RPF2: variants seen among roughly 807,000 people sequenced by gnomAD.
RPF2 encodes the protein brix domain containing 1.
In RPF2, 21 loss-of-function variants were observed where a neutral mutation model predicts 38.9. That is an observed-to-expected ratio of 0.54 (90% CI 0.38 to 0.78). RPF2 has a LOEUF of 0.78. Among genes scored for constraint, RPF2 ranks in the 30% least tolerant of loss-of-function variants. The pLI is 0.00. For synonymous variants in RPF2, 121 were observed against 126.2 expected (o/e 0.96, Z 0.28); for missense variants, 314 against 358.1 (o/e 0.88, Z 0.99).
chr6:110,999,261 T>C (rs1771772481), intron 5 of RPF2, among the ~76,000 whole-genome samples: 1 of 152,064 alleles, frequency 6.6e-6, no homozygotes, highest in Non-Finnish European at 1.5e-5. Flanking sequence ...GGGGGAAAAT[T>C]ATCCTAAGTT....
rs1260999969 is a variant in RPF2, at chr6:110,989,678, T to C, written c.194+613T>C. On this transcript the variant is annotated intron_variant, in intron 3 of 9. Coordinates refer to ENST00000441448, the MANE Select transcript of RPF2 (RefSeq NM_032194.3). ...GTCTAGCTTTGTTGCCAGGCTGGAG[T>C]GCAGTGGCATGATCTCGCCTCGCTG... Among the ~76,000 whole-genome samples the C allele has an allele frequency of 4.0e-5, 6 of 148,380 alleles. No individual in the cohort carries two copies. In the East Asian group the frequency reaches 1.2e-3, roughly 30 times the overall value.
chr6:111,018,806 G>A (rs575444637), intron 8 of RPF2, among the ~76,000 whole-genome samples: 1 of 152,272 alleles, frequency 6.6e-6, no homozygotes, highest in African/African-American at 2.4e-5. Context: ...AGCCCCTTAA[G>A]TCTCCTGTTT....
chr6:110,991,797 T>A lies in RPF2; in HGVS notation c.234+11T>A. The A allele has an allele frequency of 9.1e-7, 1 of 1,101,320 alleles. No homozygotes were observed. The highest frequency in any genetic ancestry group is 1.3e-6 in the Non-Finnish European group (1 of 774,914). The allele number at this position is 1,101,320 out of a possible 1,614,324, so 68.2% of individuals were successfully genotyped here. On this transcript the variant is annotated intron_variant, in intron 4 of 9. Transcript: ENST00000441448. ...GATCAGACATCACTGGTAAGTATAATAATCTTTATGATTTAAGAAAGCATA... is the reference window on the plus strand; with the variant it reads ...GATCAGACATCACTGGTAAGTATAAAAATCTTTATGATTTAAGAAAGCATA...
chr6:111,021,113 G>T (rs111911884), intron 8 of RPF2, among the ~76,000 whole-genome samples: 1,931 of 152,196 alleles, frequency 0.013, 41 homozygotes, highest in African/African-American at 0.045. Context: ...AGATTGCAGC[G>T]AGCCTAGATT....
intron 6 of RPF2, among the ~76,000 whole-genome samples, chr6:111,002,531 C>T (rs1274234594): frequency 1.3e-5 from 2 of 151,838 alleles, no homozygotes; most frequent in Non-Finnish European, 2.9e-5. Context: ...TGGGGTCTCA[C>T]TATATTGCCC....
rs530355962 is a variant in RPF2 at position 111,014,099 on chromosome 6, G to A, written c.494-1655G>A. On this transcript the variant is annotated intron_variant, in intron 7 of 9. Transcript: ENST00000441448. ...TGTATAAATGTGCCTGCCCACTTGT[G>A]TTTGTTTTATACAAGTTAATGCTGT... Among the ~76,000 whole-genome samples, 5 of 149,746 alleles carry A rather than the reference G, an allele frequency of 3.3e-5. No individual in the cohort carries two copies. The East Asian group carries it at 9.8e-4, about 29-fold the overall frequency.
Position 110,982,047 on chromosome 6 carries a change from C to T in RPF2, c.-60C>T. 1.2e-6 allele frequency: 2 copies of T among 1,600,974 alleles called. No individual in the cohort carries two copies. The highest frequency in any genetic ancestry group is 1.7e-6 in the Non-Finnish European group (2 of 1,168,142). ...GCTTCCGGTTCCGCCTGTTCCGGCGCACGTAATCGCCGAGGGCACGTGCAT... is the reference window on the plus strand; with the variant it reads ...GCTTCCGGTTCCGCCTGTTCCGGCGTACGTAATCGCCGAGGGCACGTGCAT... On this transcript the variant is annotated 5_prime_UTR_variant, in exon 1 of 10. Coordinates refer to ENST00000441448, the MANE Select transcript of RPF2 (RefSeq NM_032194.3).
chr6:110,988,907 G>A, intron 2 of RPF2, 121 bp from the exon 3 acceptor site: 1 of 1,225,306 alleles, frequency 8.2e-7, no homozygotes, highest in Non-Finnish European at 1.1e-6. Context: ...CCAGGCAGAA[G>A]CCCTCAGAAT....
In RPF2 at chr6:111,027,896, G is replaced by A. The variant is rs893024847; in HGVS notation, c.*2314G>A. 1 of 152,146 alleles carries A rather than the reference G, an allele frequency of 6.6e-6. No individual in the cohort carries two copies. Among genetic ancestry groups the A allele is most frequent in the African/African-American group, 2.4e-5 (1 of 41,430 alleles). 9.4% of individuals were successfully genotyped at this position (152,146 alleles called of 1,614,324 possible). On this transcript the variant is annotated 3_prime_UTR_variant, in exon 10 of 10. Transcript: ENST00000441448. ...TGAGCTGCCATTTATATCACTTTTT[G>A]TGGAGAGCACATCTTGATTTTCAGT...
chr6:110,997,051 C>T (rs1185708330), intron 4 of RPF2, 132 bp from the exon 5 acceptor site: 25 of 639,622 alleles, frequency 3.9e-5, no homozygotes, highest in Non-Finnish European at 6.5e-5. Flanking sequence ...ATCAACTCGC[C>T]TCGGCGTCCC....
intron 6 of RPF2, among the ~76,000 whole-genome samples, chr6:111,005,101 G>A (rs1334851361): frequency 3.9e-5 from 6 of 152,102 alleles, no homozygotes; most frequent in African/African-American, 7.2e-5. Flanking sequence ...GATCTGGAAC[G>A]TCCTTTCAGC....
At chr6:110,986,536 G>A (rs923430486) in intron 2 of RPF2, among the ~76,000 whole-genome samples, 2 of 152,172 alleles carry the variant, frequency 1.3e-5, no homozygotes, top group Non-Finnish European at 2.9e-5. Flanking sequence ...TGAAAGGTTC[G>A]GTTTGGGACA....
At chr6:111,012,193 GGTCTCACTCT>G (rs1772029650) in intron 7 of RPF2, among the ~76,000 whole-genome samples, 2 of 139,790 alleles carry the variant, frequency 1.4e-5, no homozygotes. Context: ...TTTGAGACAG[GGTCTCACTCT>G]GTTGCCCAGG....
At chr6:110,984,364 G>A (rs534739161) in intron 1 of RPF2, among the ~76,000 whole-genome samples, 4 of 151,574 alleles carry the variant, frequency 2.6e-5, no homozygotes, top group Admixed American at 6.6e-5. Context: ...GTAAGAAAGA[G>A]TAAGAGAAAA....
In RPF2 at chr6:110,986,955, T is replaced by TA. The variant is rs775630971; in HGVS notation, c.156+1831dup. On this transcript the variant is annotated intron_variant, in intron 2 of 9. Transcript: ENST00000441448. ...CTGGGTAACAGAGCAAGACTCCAAC[T>TA]AAAAAAAAAAAAAAGACATAGTATG... Among the ~76,000 whole-genome samples the TA allele has an allele frequency of 4.2e-3, 523 of 125,124 alleles. 1 individual carries two copies. The highest frequency in any genetic ancestry group is 0.013 in the African/African-American group (440 of 33,438). The allele number at this position is 125,124 out of a possible 152,430, so 82.1% of individuals were successfully genotyped here.
At chr6:110,993,722 T>A (rs2114303156) in intron 4 of RPF2, among the ~76,000 whole-genome samples, 1 of 152,306 alleles carries the variant, frequency 6.6e-6, no homozygotes, top group African/African-American at 2.4e-5. Context: ...CTATTTGATC[T>A]CCCACCTCCA....
chr6:111,009,086 C>T (rs1315360384), intron 7 of RPF2, among the ~76,000 whole-genome samples: 3 of 151,038 alleles, frequency 2.0e-5, no homozygotes, highest in African/African-American at 4.9e-5. Flanking sequence ...GACGGAGTCT[C>T]GCTCTGTCGC....
In RPF2 at chr6:110,999,702, T is replaced by G; in HGVS notation, c.317-9T>G. ...AAAATACATGCTTAAAAATACATTTTCCTTCCAGGTCGTATGTATGACTAC... is the reference window on the plus strand; with the variant it reads ...AAAATACATGCTTAAAAATACATTTGCCTTCCAGGTCGTATGTATGACTAC... On this transcript the variant is annotated splice_polypyrimidine_tract_variant and intron_variant, in intron 5 of 9. Transcript: ENST00000441448. The G allele has an allele frequency of 6.4e-7, 1 of 1,574,612 alleles. No individual in the cohort carries two copies. Among genetic ancestry groups the G allele is most frequent in the Non-Finnish European group, 8.7e-7 (1 of 1,144,388 alleles).
rs535764509 is a variant in RPF2 at position 111,017,428 on chromosome 6, C to T, written c.596+1572C>T. ...CTCACTTCCCAGACGGGGCGGCTGC[C>T]GGATGGGGGGGCTCCTCACTTCTCA... On this transcript the variant is annotated intron_variant, in intron 8 of 9. Transcript: ENST00000441448. Among the ~76,000 whole-genome samples the T allele has an allele frequency of 0.043, 6,452 of 149,942 alleles. 751 individuals are homozygous for T. The East Asian group carries it at 0.5, about 12-fold the overall frequency.
Sources: gnomAD v4.1 joint callset for allele counts (sites outside exome capture counted in the v4.1 genomes callset) on GRCh38, gnomAD v4.1.1 for gene constraint, MANE v1.5 for transcripts, NCBI Gene and HGNC (gene_info 2026-07-23, HGNC 2026-07-21) for gene names.